ATP10B: variants seen among roughly 807,000 people sequenced by gnomAD.
The protein encoded by ATP10B is phospholipid-transporting ATPase VB.
Under a neutral mutation model 141.2 loss-of-function variants are expected in ATP10B, and 122 were observed. The observed-to-expected ratio is 0.86, with a 90% CI of 0.75 to 1.00. The LOEUF is 1.00. ATP10B is among the 50% of genes least tolerant of loss of function. The pLI is 0.00. For missense variants in ATP10B, 1,876 were observed against 1,825.3 expected (o/e 1.03, Z -0.51); for synonymous variants, 685 against 692.0 (o/e 0.99, Z 0.16).
chr5:160,692,394 C>T (rs1433370536), intron 3 of ATP10B, among the ~76,000 whole-genome samples: 1 of 152,100 alleles, frequency 6.6e-6, no homozygotes, highest in East Asian at 1.9e-4. Context: ...TGAAGCTGTC[C>T]TCACAGGGCT....
At chr5:160,787,105 G>GACACACACACACACAC (rs58517660) in intron 1 of ATP10B, among the ~76,000 whole-genome samples, 5 of 133,660 alleles carry the variant, frequency 3.7e-5, no homozygotes, top group African/African-American at 5.2e-5. Context: ...TTTTGACACA[G>GACACACACACACACAC]ACACACACAC....
intron 22 of ATP10B, among the ~76,000 whole-genome samples, chr5:160,598,358 A>G (rs1276558933): frequency 6.6e-6 from 1 of 151,970 alleles, no homozygotes; most frequent in Non-Finnish European, 1.5e-5. Context: ...GGACACAGGA[A>G]GGGGAACATC....
chr5:160,590,350 C>A (rs1756203075), intron 23 of ATP10B, among the ~76,000 whole-genome samples: 1 of 152,158 alleles, frequency 6.6e-6, no homozygotes, highest in African/African-American at 2.4e-5. Flanking sequence ...AGATCCCTGC[C>A]TCCCCTAACT....
chr5:160,772,120 A>G (rs1165299587), intron 2 of ATP10B, among the ~76,000 whole-genome samples: 2 of 152,236 alleles, frequency 1.3e-5, no homozygotes, highest in Admixed American at 1.3e-4. Context: ...ACTGATTTCA[A>G]ATCTTTTGGG....
At chr5:160,681,733 A>T (rs1221300121) in intron 6 of ATP10B, among the ~76,000 whole-genome samples, 3 of 152,244 alleles carry the variant, frequency 2.0e-5, no homozygotes, top group East Asian at 3.8e-4. Context: ...AGCAAAATAG[A>T]ACTTTAGGTT....
chr5:160,697,517 C>T (rs1764440026), intron 3 of ATP10B, among the ~76,000 whole-genome samples: 1 of 147,380 alleles, frequency 6.8e-6, no homozygotes, highest in Non-Finnish European at 1.5e-5. Context: ...TATTCACAGG[C>T]TACAAAACAT....
At chr5:160,870,206 TCA>T in the ATP10B span, among the ~76,000 whole-genome samples, 5 of 152,132 alleles carry the variant, frequency 3.3e-5, no homozygotes, top group African/African-American at 1.2e-4. Flanking sequence ...CTTGTGAAGT[TCA>T]CAGTCAAAAG....
intron 2 of ATP10B, among the ~76,000 whole-genome samples, chr5:160,755,841 ATATATATAT>A (rs1768543935): frequency 3.9e-4 from 12 of 30,924 alleles, no homozygotes; most frequent in African/African-American, 1.7e-3. Context: ...AAAAAAAAAT[ATATATATAT>A]ATATATATAT....
intron 6 of ATP10B, chr5:160,685,208 C>T: frequency 1.7e-6 from 1 of 602,336 alleles, no homozygotes. Flanking sequence ...CTTTTCCTCC[C>T]TTCCTTTTTC....
At chr5:160,920,985 C>A in the ATP10B span, among the ~76,000 whole-genome samples, 2 of 152,062 alleles carry the variant, frequency 1.3e-5, no homozygotes, top group African/African-American at 4.8e-5. Context: ...TATTATTAAT[C>A]AATTATAATG....
chr5:160,850,682 G>C (rs1057314732), intron 1 of ATP10B, among the ~76,000 whole-genome samples: 6 of 152,158 alleles, frequency 3.9e-5, no homozygotes, highest in African/African-American at 1.4e-4. Context: ...AGAGGAGTAT[G>C]ATTTAACTGT....
chr5:160,723,482 A>G (rs911794646), intron 2 of ATP10B, among the ~76,000 whole-genome samples: 3 of 152,194 alleles, frequency 2.0e-5, no homozygotes, highest in Non-Finnish European at 4.4e-5. Flanking sequence ...TGTCATAATC[A>G]CCATATCATT....
At chr5:160,763,526 C>G (rs140246394) in intron 2 of ATP10B, among the ~76,000 whole-genome samples, 1 of 151,996 alleles carries the variant, frequency 6.6e-6, no homozygotes. Context: ...ATAATAGTGA[C>G]AAAACCTATC....
intron 25 of ATP10B, among the ~76,000 whole-genome samples, chr5:160,568,252 T>C (rs2127592882): frequency 6.6e-6 from 1 of 152,216 alleles, no homozygotes; most frequent in East Asian, 1.9e-4. Context: ...GGGGAATTTA[T>C]GGTGAAGAGT....
At chr5:160,611,303 G>T (rs1757707614) in intron 18 of ATP10B, among the ~76,000 whole-genome samples, 1 of 152,136 alleles carries the variant, frequency 6.6e-6, no homozygotes, top group African/African-American at 2.4e-5. Context: ...ACACATGGAA[G>T]CCCACTCGAT....
At position 160,797,998 on chromosome 5, in the gene ATP10B, T is replaced by C. The variant is rs546026784; in HGVS notation, c.-575-12195A>G. 1.4e-4 allele frequency among the ~76,000 whole-genome samples: 21 copies of C among 147,750 alleles called. 1 individual carries two copies. The South Asian group carries it at 4.6e-3, about 32-fold the overall frequency. On this transcript the variant is annotated intron_variant, in intron 1 of 25. Coordinates refer to ENST00000327245, the MANE Select transcript of ATP10B (RefSeq NM_025153.3). ...AACAAGTGTGGAAATGGAGAAGAGATAATGAAAACAAGGAGCTTAGATAAG... is the reference window on the plus strand; with the variant it reads ...AACAAGTGTGGAAATGGAGAAGAGACAATGAAAACAAGGAGCTTAGATAAG...
At chr5:160,781,087 T>A (rs975532790) in intron 2 of ATP10B, among the ~76,000 whole-genome samples, 1 of 152,214 alleles carries the variant, frequency 6.6e-6, no homozygotes, top group Admixed American at 6.5e-5. Flanking sequence ...TTTATGTGCT[T>A]CTTTTTGTTG....
intron 12 of ATP10B, chr5:160,632,636 T>C (rs1274517864): frequency 6.2e-6 from 2 of 324,818 alleles, no homozygotes; most frequent in Non-Finnish European, 1.1e-5. Flanking sequence ...TTTTTTTTTT[T>C]TTTTTTAGGT....
intron 1 of ATP10B, among the ~76,000 whole-genome samples, chr5:160,828,337 C>G (rs1224677130): frequency 6.6e-6 from 1 of 152,132 alleles, no homozygotes; most frequent in African/African-American, 2.4e-5. Flanking sequence ...TATCCAGAAT[C>G]TACAATGAAC....
Sources: allele counts gnomAD v4.1 joint callset (sites outside exome capture counted in the v4.1 genomes callset), GRCh38; gene constraint gnomAD v4.1.1; transcripts MANE v1.5; gene names NCBI Gene and HGNC (gene_info 2026-07-23, HGNC 2026-07-21).